Variants in STAC observed in about 807,000 individuals in gnomAD.
The protein encoded by STAC is SH3 and cysteine rich domain.
STAC carries 43 observed loss-of-function variants against 48.8 expected under a neutral mutation model. The observed-to-expected ratio is 0.88, with a 90% CI of 0.69 to 1.14. The LOEUF (loss-of-function observed/expected upper bound fraction) is 1.14, where lower values mean the gene tolerates loss of function less well. STAC is among the 50% of genes most tolerant of loss of function. STAC has a pLI of 0.00. For synonymous variants in STAC, 193 were observed against 179.5 expected, an observed-to-expected ratio of 1.07 and a Z score of -0.60; for missense variants, 497 against 504.0, an observed-to-expected ratio of 0.99 and a Z score of 0.13.
intron 2 of STAC, among the ~76,000 whole-genome samples, chr3:36,449,401 C>T (rs73065767): frequency 0.051 from 7,705 of 152,232 alleles, 299 homozygotes; most frequent in Non-Finnish European, 0.079. Flanking sequence ...CCTTAATATA[C>T]ATAATTCAGA....
chr3:36,397,603 T>C (rs559984043), intron 1 of STAC, among the ~76,000 whole-genome samples: 18 of 152,268 alleles, frequency 1.2e-4, no homozygotes, highest in South Asian at 1.0e-3. Flanking sequence ...CTTCTTCCCA[T>C]GAATACAAGA....
intron 1 of STAC, among the ~76,000 whole-genome samples, chr3:36,398,294 A>AG (rs1699894569): frequency 1.4e-5 from 2 of 140,178 alleles, no homozygotes; most frequent in African/African-American, 2.7e-5. Flanking sequence ...AGGTATGTTA[A>AG]AAAAGAAAGA....
chr3:36,540,469 A>C (rs1415949678), intron 10 of STAC, among the ~76,000 whole-genome samples: 1 of 152,200 alleles, frequency 6.6e-6, no homozygotes, highest in Non-Finnish European at 1.5e-5. Flanking sequence ...CCTTAAGAAC[A>C]GAGAAATGTA....
chr3:36,448,369 GTGCCAC>G (rs11279980), intron 2 of STAC, among the ~76,000 whole-genome samples: 14,947 of 151,868 alleles, frequency 0.098, 778 homozygotes, highest in African/African-American at 0.12. Flanking sequence ...TTACAGGCAG[GTGCCAC>G]TGTCCCTGGC....
intron 1 of STAC, among the ~76,000 whole-genome samples, chr3:36,414,919 T>C (rs1295575876): frequency 2.0e-5 from 3 of 152,190 alleles, no homozygotes; most frequent in Non-Finnish European, 4.4e-5. Flanking sequence ...TCTGTTGGAG[T>C]TTGCTAGAGG....
intron 2 of STAC, among the ~76,000 whole-genome samples, chr3:36,477,163 A>AT (rs1697515196): frequency 6.6e-6 from 1 of 152,178 alleles, no homozygotes; most frequent in Non-Finnish European, 1.5e-5. Context: ...CATCAAATAA[A>AT]TTATAGGACT....
rs1476880345 is a variant in STAC at position 36,494,079 on chromosome 3, G to C, written c.766+850G>C. Among the ~76,000 whole-genome samples, 13 of 148,776 alleles carry C rather than the reference G, an allele frequency of 8.7e-5. 1 individual carries two copies. The highest frequency in any genetic ancestry group is 3.0e-5 in the Non-Finnish European group (2 of 67,532). On this transcript the variant is annotated intron_variant, in intron 6 of 10. Transcript: ENST00000273183. ...AGGCAGGAGAATGGCGTGAACCCTG[G>C]AGGCGGAGCTTGCAGTGAGCCGAGA...
intron 2 of STAC, among the ~76,000 whole-genome samples, chr3:36,479,624 T>C (rs1697590883): frequency 6.6e-6 from 1 of 152,220 alleles, no homozygotes; most frequent in Admixed American, 6.5e-5. Flanking sequence ...ATCATACTAT[T>C]CTATTAGCAA....
At chr3:36,448,505 G>A (rs1696584494) in intron 2 of STAC, among the ~76,000 whole-genome samples, 1 of 152,118 alleles carries the variant, frequency 6.6e-6, no homozygotes, top group Non-Finnish European at 1.5e-5. Flanking sequence ...ACAGGCATGA[G>A]CCACCGCACC....
chr3:36,470,660 C>T (rs1256538359), intron 2 of STAC, among the ~76,000 whole-genome samples: 1 of 152,216 alleles, frequency 6.6e-6, no homozygotes, highest in Non-Finnish European at 1.5e-5. Context: ...CTCAGCTTTC[C>T]TGGTATGCTC....
At chr3:36,520,741 G>C (rs1357114868) in intron 8 of STAC, among the ~76,000 whole-genome samples, 1 of 152,152 alleles carries the variant, frequency 6.6e-6, no homozygotes, top group Non-Finnish European at 1.5e-5. Flanking sequence ...ACTATGTCAA[G>C]AAACCCAGAT....
intron 1 of STAC, among the ~76,000 whole-genome samples, chr3:36,404,431 T>C (rs73057917): frequency 0.023 from 3,535 of 152,232 alleles, 59 homozygotes; most frequent in East Asian, 0.026. Flanking sequence ...AATGAGATAA[T>C]ACATGCAAAG....
chr3:36,448,335 C>T (rs970875796), intron 2 of STAC, among the ~76,000 whole-genome samples: 2 of 152,120 alleles, frequency 1.3e-5, no homozygotes, highest in Non-Finnish European at 2.9e-5. Context: ...AATTCTCCTG[C>T]CTCAGCCTCC....
rs566526497 is a variant in STAC at position 36,495,520 on chromosome 3, G to A, written c.766+2291G>A. 6.6e-5 allele frequency among the ~76,000 whole-genome samples: 10 copies of A among 152,270 alleles called. 1 individual carries two copies. In the East Asian group the frequency reaches 1.4e-3, roughly 21 times the overall value. On this transcript the variant is annotated intron_variant, in intron 6 of 10. Transcript: ENST00000273183. ...TCCCTCTTCCTCTCACACCTCAGACGTAATCCATCAGCAAACTCTATCTGC... is the reference window on the plus strand; with the variant it reads ...TCCCTCTTCCTCTCACACCTCAGACATAATCCATCAGCAAACTCTATCTGC...
At chr3:36,503,868 T>C (rs1698336598) in intron 6 of STAC, among the ~76,000 whole-genome samples, 1 of 152,062 alleles carries the variant, frequency 6.6e-6, no homozygotes, top group African/African-American at 2.4e-5. Flanking sequence ...GCACTGACAA[T>C]AAGAAATCAA....
chr3:36,528,859 A>G lies in STAC; in HGVS notation c.984A>G (p.Gln328=). 4 of 1,613,206 alleles carry G rather than the reference A, an allele frequency of 2.5e-6. No individual in the cohort carries two copies. The highest frequency in any genetic ancestry group is 3.4e-6 in the Non-Finnish European group (4 of 1,179,468). The part of the protein sequence containing the change: ...SNEDWWKGKI[Q]DRIGFFPANF... ...CTTTTTCCTTTCAGGGGAAAATTCA[A>G]GACAGAATTGGCTTCTTTCCAGCCA... is the stretch of plus-strand genomic sequence containing the variant. The change falls in exon 10 of 11, where the codon CAA becomes CAG. Residue 328 remains glutamine, a synonymous_variant. Coordinates refer to ENST00000273183, the MANE Select transcript of STAC (RefSeq NM_003149.3).
At chr3:36,522,415 T>G (rs1698828687) in intron 8 of STAC, among the ~76,000 whole-genome samples, 1 of 152,194 alleles carries the variant, frequency 6.6e-6, no homozygotes, top group African/African-American at 2.4e-5. Context: ...TTACAAATAT[T>G]TTGTCATTTA....
Position 36,493,307 on chromosome 3 carries a change from C to A in STAC, c.766+78C>A, listed in dbSNP as rs576676699. 7 of 1,356,560 alleles carry A rather than the reference C, an allele frequency of 5.2e-6. No individual in the cohort carries two copies. In the South Asian group the frequency reaches 8.3e-5, roughly 16 times the overall value. 84.0% of individuals were successfully genotyped at this position (1,356,560 alleles called of 1,614,324 possible). On this transcript the variant is annotated intron_variant, in intron 6 of 10. Coordinates refer to ENST00000273183, the MANE Select transcript of STAC (RefSeq NM_003149.3). Reference sequence around the variant, plus strand: ...TGGGCAGGCCAAGTTGATTTCCAGTCCCCTTGCTTTCTCTGCTAGCTCTGG... The same window carrying A: ...TGGGCAGGCCAAGTTGATTTCCAGTACCCTTGCTTTCTCTGCTAGCTCTGG...
At chr3:36,398,324 A>AAAGCAAGAAAGCAAGAAAGC (rs1553631456) in intron 1 of STAC, among the ~76,000 whole-genome samples, 6 of 95,634 alleles carry the variant, frequency 6.3e-5, no homozygotes, top group South Asian at 3.1e-4. Context: ...AGAAAGCAAG[A>AAAGCAAGAAAGCAAGAAAGC]AAGAAAGAAA....
Sources: gnomAD v4.1 joint callset for allele counts (sites outside exome capture counted in the v4.1 genomes callset) on GRCh38, gnomAD v4.1.1 for gene constraint, MANE v1.5 for transcripts, NCBI Gene and HGNC (gene_info 2026-07-23, HGNC 2026-07-21) for gene names.